RARB: variants seen among roughly 807,000 people sequenced by gnomAD.
RARB encodes the protein HBV-activated protein.
In RARB, 17 loss-of-function variants were observed where a neutral mutation model predicts 51.9. That is an observed-to-expected ratio of 0.33 (90% CI 0.22 to 0.49). The LOEUF is 0.49. Among genes scored for constraint, RARB ranks in the 20% least tolerant of loss-of-function variants. The pLI is 0.99. For synonymous variants in RARB, 215 were observed against 195.4 expected, an observed-to-expected ratio of 1.10 and a Z score of -0.84; for missense variants, 369 against 550.8, an observed-to-expected ratio of 0.67 and a Z score of 3.30.
At chr3:25,248,471 T>G (rs1286211028) in intron 5 of RARB, among the ~76,000 whole-genome samples, 1 of 152,222 alleles carries the variant, frequency 6.6e-6, no homozygotes, top group Non-Finnish European at 1.5e-5. Flanking sequence ...ATCATTGTGT[T>G]TTGTTTTCTG....
chr3:25,298,710 G>T (rs1281849005), intron 5 of RARB, among the ~76,000 whole-genome samples: 2 of 152,170 alleles, frequency 1.3e-5, no homozygotes, highest in Non-Finnish European at 2.9e-5. Context: ...CCAAGGAGGA[G>T]AAAAACTTCT....
chr3:25,403,033 G>A (rs764002817), intron 5 of RARB, among the ~76,000 whole-genome samples: 14 of 151,860 alleles, frequency 9.2e-5, no homozygotes, highest in Non-Finnish European at 1.0e-4. Context: ...CATGGTGGTG[G>A]GCGCCTGTAG....
chr3:24,906,020 C>T lies in RARB; in HGVS notation c.-380+47268C>T, dbSNP rs527566960. 2.3e-4 allele frequency among the ~76,000 whole-genome samples: 35 copies of T among 152,002 alleles called. No homozygotes were observed. The East Asian group carries it at 6.2e-3, about 27-fold the overall frequency. ...GCACAAGGCATAGGTAAGATAAGAC[C>T]TGGGGTACCACAGTGGGGTCTTAGT... On this transcript the variant is annotated intron_variant, in intron 2 of 11. Coordinates refer to the RARB transcript ENST00000383772.
intron 5 of RARB, among the ~76,000 whole-genome samples, chr3:25,240,525 T>A (rs944575455): frequency 6.6e-6 from 1 of 152,090 alleles, no homozygotes. Flanking sequence ...AGTTTGTTGA[T>A]AGTTTTTTAT....
At chr3:25,187,725 C>A (rs1044526538) in intron 5 of RARB, among the ~76,000 whole-genome samples, 3 of 152,054 alleles carry the variant, frequency 2.0e-5, no homozygotes, top group Non-Finnish European at 4.4e-5. Context: ...GAGAAATGAA[C>A]ACTCAGATAC....
At chr3:25,294,253 A>G (rs1703862838) in intron 5 of RARB, among the ~76,000 whole-genome samples, 1 of 152,204 alleles carries the variant, frequency 6.6e-6, no homozygotes, top group Non-Finnish European at 1.5e-5. Flanking sequence ...TTGGGTACTC[A>G]CTGAGAAGCA....
At chr3:25,242,180 A>C in intron 5 of RARB, among the ~76,000 whole-genome samples, 1 of 152,060 alleles carries the variant, frequency 6.6e-6, no homozygotes, top group East Asian at 1.9e-4. Flanking sequence ...AATTTGTTTA[A>C]GTTCCTTGTA....
chr3:25,440,306 C>G (rs6762247), intron 1 of RARB, among the ~76,000 whole-genome samples: 3 of 151,550 alleles, frequency 2.0e-5, no homozygotes, highest in Non-Finnish European at 4.4e-5. Flanking sequence ...ATTATGTGGC[C>G]GTGGTGGCAC....
intron 2 of RARB, among the ~76,000 whole-genome samples, chr3:24,905,333 T>A (rs890474416): frequency 6.6e-6 from 1 of 152,220 alleles, no homozygotes; most frequent in African/African-American, 2.4e-5. Flanking sequence ...TCTTCTTGTT[T>A]GACTCATTGT....
At chr3:25,035,677 TTTAG>T (rs1697977082) in intron 2 of RARB, among the ~76,000 whole-genome samples, 1 of 152,218 alleles carries the variant, frequency 6.6e-6, no homozygotes, top group African/African-American at 2.4e-5. Flanking sequence ...TAGTAAATAA[TTTAG>T]TTTCAGCTTT....
At chr3:25,187,980 C>T (rs920774568) in intron 5 of RARB, among the ~76,000 whole-genome samples, 1 of 152,016 alleles carries the variant, frequency 6.6e-6, no homozygotes, top group Non-Finnish European at 1.5e-5. Context: ...ATGAAAATAA[C>T]AAGCAGTCCT....
intron 2 of RARB, among the ~76,000 whole-genome samples, chr3:24,885,222 TGAGA>T (rs1293531743): frequency 1.3e-5 from 2 of 151,986 alleles, no homozygotes; most frequent in East Asian, 3.9e-4. Flanking sequence ...GGATCAAGTA[TGAGA>T]GAGAGAGATT....
At chr3:25,166,786 C>T (rs756386518) in intron 4 of RARB, among the ~76,000 whole-genome samples, 5 of 152,142 alleles carry the variant, frequency 3.3e-5, no homozygotes, top group Non-Finnish European at 7.3e-5. Context: ...TGTCTCAAGG[C>T]CAACTCTAAT....
chr3:24,884,737 G>GT (rs1703237035), intron 2 of RARB, among the ~76,000 whole-genome samples: 1 of 152,134 alleles, frequency 6.6e-6, no homozygotes, highest in Non-Finnish European at 1.5e-5. Context: ...GGAATCTCAT[G>GT]TTTTTGTCCT....
rs781481342 is a variant in RARB at position 25,152,729 on chromosome 3, T to C, written c.-280+20521T>C. On this transcript the variant is annotated intron_variant, in intron 4 of 11. Coordinates refer to the RARB transcript ENST00000383772. The stretch of plus-strand genomic sequence containing the variant: ...CATATTAGACTCTACATAGTTCCTA[T>C]ATTTTGGAGTCTGTAATTGTGAGTC... Among the ~76,000 whole-genome samples the C allele has an allele frequency of 1.3e-4, 20 of 152,200 alleles. No individual in the cohort carries two copies. The East Asian group carries it at 3.9e-3, about 29-fold the overall frequency.
intron 2 of RARB, among the ~76,000 whole-genome samples, chr3:24,949,269 A>G (rs1695838260): frequency 1.3e-5 from 2 of 152,220 alleles, no homozygotes; most frequent in African/African-American, 4.8e-5. Context: ...GAAAAAGTGT[A>G]ACAGAAACAC....
chr3:25,367,781 G>A (rs1706169176), intron 5 of RARB, among the ~76,000 whole-genome samples: 1 of 142,156 alleles, frequency 7.0e-6, no homozygotes, highest in South Asian at 2.2e-4. Flanking sequence ...TCCAGCCTGG[G>A]TGACAAAGTG....
chr3:25,506,276 A>G (rs1296110), intron 3 of RARB, among the ~76,000 whole-genome samples: 2 of 128,272 alleles, frequency 1.6e-5, no homozygotes, highest in East Asian at 5.1e-4. Context: ...AAAAAAAAAA[A>G]CCAGCTCTTT....
intron 3 of RARB, among the ~76,000 whole-genome samples, chr3:25,106,852 T>C (rs1294149811): frequency 1.3e-5 from 2 of 151,980 alleles, no homozygotes; most frequent in Non-Finnish European, 2.9e-5. Flanking sequence ...CCTATACCAA[T>C]TGACTCCAGA....
Sources: gnomAD v4.1 joint callset for allele counts (sites outside exome capture counted in the v4.1 genomes callset) on GRCh38, gnomAD v4.1.1 for gene constraint, MANE v1.5 for transcripts, NCBI Gene and HGNC (gene_info 2026-07-23, HGNC 2026-07-21) for gene names.